The following WDR70 variants were observed in gnomAD, a reference collection of about 807,000 sequenced individuals.
WDR70 encodes the protein WD repeat domain 70.
Under a neutral mutation model 88.6 loss-of-function variants are expected in WDR70, and 53 were observed. The observed-to-expected ratio is 0.60, with a 90% CI of 0.48 to 0.75. WDR70 has a LOEUF of 0.75. Among genes scored for constraint, WDR70 ranks in the 30% least tolerant of loss-of-function variants. The probability of loss-of-function intolerance (pLI) is 0.00; values close to 1 mark genes in which losing one functional copy is unlikely to be tolerated. For synonymous variants in WDR70, 280 were observed against 270.0 expected (o/e 1.04, Z -0.36); for missense variants, 610 against 823.2 (o/e 0.74, Z 3.17).
chr5:37,460,867 C>T (rs1280250679), intron 7 of WDR70, among the ~76,000 whole-genome samples: 19 of 151,756 alleles, frequency 1.3e-4, no homozygotes, highest in Admixed American at 1.2e-3. Flanking sequence ...GTTATAGTTT[C>T]TCAGTGTATG....
At chr5:37,568,283 G>A (rs375642640) in intron 9 of WDR70, among the ~76,000 whole-genome samples, 13 of 152,142 alleles carry the variant, frequency 8.5e-5, no homozygotes, top group African/African-American at 3.1e-4. Flanking sequence ...GGAAGTGGCA[G>A]CTGTTGAGAA....
At chr5:37,515,019 G>GAAAAAAAAAAAAAAAAAAAAAAAAAA (rs770128168) in intron 8 of WDR70, among the ~76,000 whole-genome samples, 1 of 53,014 alleles carries the variant, frequency 1.9e-5, no homozygotes, top group Admixed American at 2.1e-4. Context: ...CCTGTCTCAA[G>GAAAAAAAAAAAAAAAAAAAAAAAAAA]AAAAAAAAAA....
chr5:37,523,793 A>G (rs1164091137), intron 9 of WDR70, among the ~76,000 whole-genome samples: 1 of 152,230 alleles, frequency 6.6e-6, no homozygotes, highest in African/African-American at 2.4e-5. Flanking sequence ...AAATGACCTG[A>G]TGGAGCTGAA....
At chr5:37,625,624 A>C (rs1236439174) in intron 10 of WDR70, among the ~76,000 whole-genome samples, 1 of 152,106 alleles carries the variant, frequency 6.6e-6, no homozygotes, top group Admixed American at 6.5e-5. Flanking sequence ...TCCCGGGTTC[A>C]AGCAATTCTC....
intron 10 of WDR70, among the ~76,000 whole-genome samples, chr5:37,679,583 C>T (rs4527637): frequency 0.08 from 12,114 of 152,242 alleles, 598 homozygotes; most frequent in East Asian, 0.14. Flanking sequence ...TCTGATCGTT[C>T]CTCTGGAAGT....
intron 7 of WDR70, among the ~76,000 whole-genome samples, chr5:37,468,153 A>C (rs1252060568): frequency 6.6e-6 from 1 of 152,202 alleles, no homozygotes; most frequent in African/African-American, 2.4e-5. Context: ...CCGGCCTATC[A>C]TATGAATTTT....
intron 17 of WDR70, among the ~76,000 whole-genome samples, chr5:37,748,171 C>T (rs562393723): frequency 1.3e-5 from 2 of 152,106 alleles, no homozygotes; most frequent in African/African-American, 2.4e-5. Context: ...AGAAGAACCC[C>T]GTATAGCCAA....
intron 7 of WDR70, among the ~76,000 whole-genome samples, chr5:37,455,267 TAG>T (rs933661195): frequency 6.9e-6 from 1 of 145,480 alleles, no homozygotes; most frequent in Non-Finnish European, 1.5e-5. Flanking sequence ...TTTTTTGAGG[TAG>T]AGTCTAGCTC....
chr5:37,459,399 T>C (rs1738929913), intron 7 of WDR70, among the ~76,000 whole-genome samples: 1 of 151,288 alleles, frequency 6.6e-6, no homozygotes, highest in South Asian at 2.1e-4. Flanking sequence ...TCTACAACTA[T>C]CTGATCTTTG....
At chr5:37,491,641 T>A (rs1160672349) in intron 8 of WDR70, among the ~76,000 whole-genome samples, 1 of 152,176 alleles carries the variant, frequency 6.6e-6, no homozygotes, top group African/African-American at 2.4e-5. Flanking sequence ...GTACGTGTAG[T>A]CATTCTGATA....
chr5:37,536,651 A>G (rs1398436654), intron 9 of WDR70, among the ~76,000 whole-genome samples: 1 of 152,050 alleles, frequency 6.6e-6, no homozygotes, highest in Non-Finnish European at 1.5e-5. Context: ...GTTTTTCCTA[A>G]TATTTGATGT....
intron 9 of WDR70, among the ~76,000 whole-genome samples, chr5:37,518,081 A>C (rs1740948426): frequency 6.6e-6 from 1 of 151,210 alleles, no homozygotes; most frequent in African/African-American, 2.4e-5. Context: ...TGCCCAGCTA[A>C]TTTTTATATT....
At chr5:37,471,270 C>T (rs924678471) in intron 7 of WDR70, among the ~76,000 whole-genome samples, 2 of 150,658 alleles carry the variant, frequency 1.3e-5, no homozygotes, top group Admixed American at 6.6e-5. Flanking sequence ...TACATCTTTG[C>T]CAACACTTTG....
In WDR70 at chr5:37,511,893, G is replaced by A. The variant is rs866767170; in HGVS notation, c.841-4621G>A. The stretch of plus-strand genomic sequence containing the variant: ...ATACCACTGCAAAAAAGAAACAAAT[G>A]TATTAATTAGAATTCAATATTTATT... On this transcript the variant is annotated intron_variant, in intron 8 of 17. Transcript: ENST00000265107. 5.3e-5 allele frequency among the ~76,000 whole-genome samples: 8 copies of A among 152,292 alleles called. No homozygotes were observed. The South Asian group carries it at 6.2e-4, about 12-fold the overall frequency.
At chr5:37,644,909 G>A (rs879866367) in intron 10 of WDR70, among the ~76,000 whole-genome samples, 6 of 151,674 alleles carry the variant, frequency 4.0e-5, no homozygotes, top group Non-Finnish European at 8.9e-5. Flanking sequence ...AGGTTGGTCA[G>A]TTTTGTTTAT....
intron 10 of WDR70, among the ~76,000 whole-genome samples, chr5:37,674,742 A>C (rs1478629629): frequency 6.6e-6 from 1 of 151,980 alleles, no homozygotes; most frequent in Non-Finnish European, 1.5e-5. Context: ...CTTTGGGTAT[A>C]TACCCAGTAA....
chr5:37,384,137 T>C (rs1050431465), intron 3 of WDR70, among the ~76,000 whole-genome samples: 17 of 151,798 alleles, frequency 1.1e-4, no homozygotes, highest in African/African-American at 4.1e-4. Context: ...CCAAGTTGTT[T>C]CCTATCCTCT....
chr5:37,471,692 G>T, intron 7 of WDR70, among the ~76,000 whole-genome samples: 1 of 151,446 alleles, frequency 6.6e-6, no homozygotes, highest in Admixed American at 6.6e-5. Context: ...CTTTAACCCC[G>T]TGTTGTCAAT....
At chr5:37,580,174 G>C (rs1453763223) in intron 9 of WDR70, among the ~76,000 whole-genome samples, 1 of 151,984 alleles carries the variant, frequency 6.6e-6, no homozygotes, top group East Asian at 1.9e-4. Flanking sequence ...TCACTGTTCT[G>C]TTTTTAATTT....
Sources: gnomAD v4.1 joint callset for allele counts (sites outside exome capture counted in the v4.1 genomes callset) on GRCh38, gnomAD v4.1.1 for gene constraint, MANE v1.5 for transcripts, NCBI Gene and HGNC (gene_info 2026-07-23, HGNC 2026-07-21) for gene names.